Variants in SLC39A14 observed in about 807,000 individuals in gnomAD.
SLC39A14 encodes the protein metal cation symporter ZIP14.
In SLC39A14, 19 loss-of-function variants were observed where a neutral mutation model predicts 45.5. The ratio of observed to expected loss-of-function variants is 0.42; its 90% CI spans 0.29 to 0.61. SLC39A14 has a LOEUF of 0.61. SLC39A14 is among the 20% of genes least tolerant of loss of function. SLC39A14 has a pLI of 0.22. For missense variants in SLC39A14, 447 were observed against 616.5 expected, an observed-to-expected ratio of 0.73 and a Z score of 2.91; for synonymous variants, 264 against 251.3, an observed-to-expected ratio of 1.05 and a Z score of -0.48.
intron 8 of SLC39A14, among the ~76,000 whole-genome samples, chr8:22,431,445 A>T (rs997507342): frequency 7.2e-5 from 11 of 152,372 alleles, no homozygotes; most frequent in Admixed American, 1.3e-4. Flanking sequence ...TAATGGCTTC[A>T]TATAAATAGA....
intron 1 of SLC39A14, among the ~76,000 whole-genome samples, chr8:22,389,026 G>A (rs58263456): frequency 0.014 from 2,202 of 152,308 alleles, 121 homozygotes; most frequent in East Asian, 0.1. Flanking sequence ...CAGGGACGAC[G>A]CAGGGGCTGG....
intron 1 of SLC39A14, among the ~76,000 whole-genome samples, chr8:22,368,843 A>G (rs1832786361): frequency 6.6e-6 from 1 of 151,970 alleles, no homozygotes; most frequent in African/African-American, 2.4e-5. Context: ...GCCTATCCTT[A>G]CCTCTTAAAA....
intron 1 of SLC39A14, among the ~76,000 whole-genome samples, chr8:22,402,568 G>A (rs1261106174): frequency 1.3e-5 from 2 of 151,886 alleles, no homozygotes; most frequent in Admixed American, 6.6e-5. Flanking sequence ...TCAGCAGTTC[G>A]AGAACAGCCT....
intron 1 of SLC39A14, 152 bp from the exon 2 acceptor site, chr8:22,404,544 G>A: frequency 1.7e-6 from 1 of 594,178 alleles, no homozygotes; most frequent in Non-Finnish European, 2.8e-6. Flanking sequence ...GCTTTCAAAA[G>A]AAGGGTTTTT....
rs1434030349 is a variant in SLC39A14, at chr8:22,379,941, A to AG, written c.-16+12533_-16+12534insG. On this transcript the variant is annotated intron_variant, in intron 1 of 8. Coordinates refer to ENST00000381237, the MANE Select transcript of SLC39A14 (RefSeq NM_001128431.4). ...AGACTCCATCTCAAAAAAAAAAAAA[A>AG]AAAAAAGAAAAGAAAAGAAACAACA... Among the ~76,000 whole-genome samples, 12 of 151,122 alleles carry AG rather than the reference A, an allele frequency of 7.9e-5. No homozygotes were observed. In the East Asian group the frequency reaches 2.1e-3, roughly 27 times the overall value.
chr8:22,404,404 G>A (rs1835072333), intron 1 of SLC39A14: 2 of 252,878 alleles, frequency 7.9e-6, no homozygotes, highest in Non-Finnish European at 1.5e-5. Flanking sequence ...TCCAGCCTGG[G>A]CAACGAGTGA....
At chr8:22,402,450 G>A (rs1834930760) in intron 1 of SLC39A14, among the ~76,000 whole-genome samples, 2 of 152,140 alleles carry the variant, frequency 1.3e-5, no homozygotes, top group Middle Eastern at 3.4e-3. Context: ...CTATTGCTTA[G>A]CCTCACTAAC....
chr8:22,388,571 TG>T (rs1329878265), intron 1 of SLC39A14, among the ~76,000 whole-genome samples: 1 of 26,064 alleles, frequency 3.8e-5, no homozygotes, highest in Admixed American at 5.3e-4. Flanking sequence ...GGTGATGAAG[TG>T]GGGGCAGGAG....
chr8:22,429,129 G>A (rs1194658238), intron 8 of SLC39A14, among the ~76,000 whole-genome samples: 1 of 152,064 alleles, frequency 6.6e-6, no homozygotes, highest in South Asian at 2.1e-4. Flanking sequence ...AAAATTGGCT[G>A]GGCGTGGTGG....
At chr8:22,390,462 T>A (rs899030498) in intron 1 of SLC39A14, 1 of 151,742 alleles carries the variant, frequency 6.6e-6, no homozygotes, top group Non-Finnish European at 1.5e-5. Flanking sequence ...CACACAACCA[T>A]GCCCGGCTAA....
intron 1 of SLC39A14, among the ~76,000 whole-genome samples, chr8:22,376,010 C>T (rs1333251319): frequency 2.0e-5 from 3 of 152,202 alleles, no homozygotes; most frequent in African/African-American, 2.4e-5. Context: ...TCACTAATGT[C>T]CATTTGCTGT....
At chr8:22,370,452 G>C (rs1220578261) in intron 1 of SLC39A14, among the ~76,000 whole-genome samples, 1 of 152,162 alleles carries the variant, frequency 6.6e-6, no homozygotes, top group Non-Finnish European at 1.5e-5. Context: ...GCTGCACCAT[G>C]TTGCTGAGCC....
At position 22,405,002 on chromosome 8, in the gene SLC39A14, G is replaced by C. The variant is rs549185508; in HGVS notation, c.270+22G>C. The C allele has an allele frequency of 7.5e-4, 1,208 of 1,608,012 alleles. 27 individuals carry two copies. In the South Asian group the frequency reaches 0.013, roughly 17 times the overall value. ...CACGGTAAGGCTCCCCTGTGAGCCA[G>C]CAGCTCTGCTCAGCCCCGTCTCTGG... On this transcript the variant is annotated intron_variant, in intron 2 of 8. Coordinates refer to ENST00000381237, the MANE Select transcript of SLC39A14 (RefSeq NM_001128431.4).
chr8:22,397,557 G>T (rs1225692555), intron 1 of SLC39A14, among the ~76,000 whole-genome samples: 1 of 151,560 alleles, frequency 6.6e-6, no homozygotes, highest in Non-Finnish European at 1.5e-5. Flanking sequence ...CGGCCTGGGC[G>T]AAAGAGCGGG....
intron 1 of SLC39A14, among the ~76,000 whole-genome samples, chr8:22,393,933 A>G (rs1429719913): frequency 6.6e-6 from 1 of 152,094 alleles, no homozygotes; most frequent in East Asian, 1.9e-4. Context: ...TTGGCCTCCC[A>G]GAGTGCTGGG....
chr8:22,381,375 A>G (rs6990847), intron 1 of SLC39A14, among the ~76,000 whole-genome samples: 3,409 of 151,984 alleles, frequency 0.022, 120 homozygotes, highest in African/African-American at 0.078. Flanking sequence ...GGTTCACGCC[A>G]TTCTCCTGCC....
In SLC39A14 at chr8:22,419,908, C is replaced by G. The variant is rs142071782; in HGVS notation, c.*210C>G. On this transcript the variant is annotated 3_prime_UTR_variant, in exon 9 of 9. Coordinates refer to ENST00000381237, the MANE Select transcript of SLC39A14 (RefSeq NM_001128431.4). ...GGTAACCAGTCTCTAGCTAGTGCCT[C>G]TTGCCCTCTCCTCACCTCCTTTTCT... 1 of 1,267,376 alleles carries G rather than the reference C, an allele frequency of 7.9e-7. No individual in the cohort carries two copies. The highest frequency in any genetic ancestry group is 9.9e-7 in the Non-Finnish European group (1 of 1,007,018). The allele number at this position is 1,267,376 out of a possible 1,614,324, so 78.5% of individuals were successfully genotyped here.
At chr8:22,426,102 G>T (rs982687513), downstream of SLC39A14, among the ~76,000 whole-genome samples, 1 of 152,068 alleles carries the variant, frequency 6.6e-6, no homozygotes, top group African/African-American at 2.4e-5. Context: ...ATATGGGTCA[G>T]GTTGGTCTCG....
At chr8:22,389,608 T>G (rs1833962352) in intron 1 of SLC39A14, among the ~76,000 whole-genome samples, 2 of 151,948 alleles carry the variant, frequency 1.3e-5, no homozygotes, top group African/African-American at 4.8e-5. Context: ...GCCAGCAGAT[T>G]GACGTGAGCA....
Sources: gnomAD v4.1 joint callset for allele counts (sites outside exome capture counted in the v4.1 genomes callset) on GRCh38, gnomAD v4.1.1 for gene constraint, MANE v1.5 for transcripts, NCBI Gene and HGNC (gene_info 2026-07-23, HGNC 2026-07-21) for gene names.